Variants in MAPRE3 observed in about 807,000 individuals in gnomAD.
MAPRE3 encodes microtubule associated protein RP/EB family member 3.
In MAPRE3, 2 loss-of-function variants were observed where a neutral mutation model predicts 30.5. The ratio of observed to expected loss-of-function variants is 0.07; its 90% CI spans 0.03 to 0.21. The LOEUF (loss-of-function observed/expected upper bound fraction) is 0.21. Ranked by LOEUF, MAPRE3 falls within the 10% of genes least tolerant of loss-of-function variation. The pLI, the probability that MAPRE3 is intolerant of heterozygous loss-of-function variation, is 1.00. For synonymous variants in MAPRE3, 110 were observed against 127.7 expected, an observed-to-expected ratio of 0.86 and a Z score of 0.93; for missense variants, 204 against 351.8, an observed-to-expected ratio of 0.58 and a Z score of 3.36.
chr2:26,997,579 G>A (rs1224252576), intron 1 of MAPRE3, among the ~76,000 whole-genome samples: 2 of 152,114 alleles, frequency 1.3e-5, no homozygotes, highest in African/African-American at 4.8e-5. Context: ...TCTGACAGGA[G>A]GTGGAGCTCA....
At chr2:27,016,062 C>T (rs1264703912) in intron 1 of MAPRE3, among the ~76,000 whole-genome samples, 1 of 152,186 alleles carries the variant, frequency 6.6e-6, no homozygotes, top group African/African-American at 2.4e-5. Flanking sequence ...CTTTTCTTTC[C>T]CTTGGCTCCA....
chr2:27,015,147 G>C lies in MAPRE3; in HGVS notation c.-7-7065G>C, dbSNP rs1666954053. ...TTCTGGACTGGCATTTCCATGGTCTGAGACCAGAGGCTGGCTGTGTGTCAG... is the reference window on the plus strand; with the variant it reads ...TTCTGGACTGGCATTTCCATGGTCTCAGACCAGAGGCTGGCTGTGTGTCAG... On this transcript the variant is annotated intron_variant, in intron 1 of 6. Transcript: ENST00000233121. This position sits in a 1 kb window ranked among gnomAD's most constrained non-coding sequence, Gnocchi z 4.0. Among the ~76,000 whole-genome samples the C allele has an allele frequency of 6.6e-6, 1 of 152,240 alleles. No individual in the cohort carries two copies. Among genetic ancestry groups the C allele is most frequent in the African/African-American group, 2.4e-5 (1 of 41,470 alleles).
chr2:27,025,150 G>A (rs1572776346), intron 4 of MAPRE3, among the ~76,000 whole-genome samples: 2 of 152,300 alleles, frequency 1.3e-5, no homozygotes, highest in South Asian at 2.1e-4. Context: ...GCCCCTGGAG[G>A]GGCAGCCACC....
chr2:27,023,052 A>T (rs1172014294), intron 2 of MAPRE3, among the ~76,000 whole-genome samples: 2 of 152,198 alleles, frequency 1.3e-5, no homozygotes, highest in Non-Finnish European at 2.9e-5. Context: ...CATCCATAAG[A>T]TGGAGATAGT....
intron 1 of MAPRE3, among the ~76,000 whole-genome samples, chr2:26,972,093 G>A (rs924995587): frequency 1.3e-5 from 2 of 152,172 alleles, no homozygotes; most frequent in Non-Finnish European, 1.5e-5. Flanking sequence ...CAACTTGAGG[G>A]CCCCTAACTA....
chr2:27,022,164 G>A, intron 1 of MAPRE3, 48 bp from the exon 2 acceptor site: 7 of 1,600,356 alleles, frequency 4.4e-6, no homozygotes, highest in East Asian at 2.2e-5. Flanking sequence ...CAGCTAAGGA[G>A]CTACATGAGG....
At chr2:26,980,624 T>C (rs762139061) in intron 1 of MAPRE3, among the ~76,000 whole-genome samples, 5 of 152,246 alleles carry the variant, frequency 3.3e-5, no homozygotes, top group Non-Finnish European at 7.3e-5. Context: ...GATTTGAACA[T>C]TACTGTACAA....
intron 1 of MAPRE3, among the ~76,000 whole-genome samples, chr2:27,021,757 G>A (rs1332486417): frequency 6.6e-6 from 1 of 152,196 alleles, no homozygotes; most frequent in Non-Finnish European, 1.5e-5. Flanking sequence ...CTTTGTTCTT[G>A]CTAGTCCCTG....
chr2:26,988,847 C>T (rs1472821192), intron 1 of MAPRE3, among the ~76,000 whole-genome samples: 5 of 152,158 alleles, frequency 3.3e-5, no homozygotes, highest in Non-Finnish European at 5.9e-5. Context: ...AGGGGGTTTC[C>T]TCCTTGAGGT....
At chr2:27,022,026 G>A (rs1310667499) in intron 1 of MAPRE3, among the ~76,000 whole-genome samples, 186 bp from the exon 2 acceptor site, 13 of 152,166 alleles carry the variant, frequency 8.5e-5, no homozygotes, top group African/African-American at 2.7e-4. Flanking sequence ...CCTGGTGCAC[G>A]TCTAGCATAT....
At chr2:27,023,268 T>C in intron 2 of MAPRE3, 64 bp from the exon 3 acceptor site, 1 of 1,532,244 alleles carries the variant, frequency 6.5e-7, no homozygotes, top group South Asian at 1.3e-5. Context: ...TTTGGGGAAG[T>C]GAGAGAGAGC....
chr2:26,994,854 G>A (rs1008760363), intron 1 of MAPRE3, among the ~76,000 whole-genome samples: 19 of 131,224 alleles, frequency 1.4e-4, no homozygotes, highest in African/African-American at 5.2e-4. Context: ...TAAGAAATGA[G>A]TGATGTCTTA....
At chr2:27,019,870 CA>C (rs1410058762) in intron 1 of MAPRE3, among the ~76,000 whole-genome samples, 5 of 152,318 alleles carry the variant, frequency 3.3e-5, no homozygotes, top group African/African-American at 1.2e-4. Context: ...TACTTGGGGT[CA>C]GGGGTGGGAA....
At chr2:27,001,940 T>C (rs991622150) in intron 1 of MAPRE3, 3 of 152,158 alleles carry the variant, frequency 2.0e-5, no homozygotes, top group Non-Finnish European at 4.4e-5. Flanking sequence ...CTTGAACAAA[T>C]AATGGGGTAT....
At chr2:27,021,078 A>G (rs879350728) in intron 1 of MAPRE3, among the ~76,000 whole-genome samples, 8 of 152,226 alleles carry the variant, frequency 5.3e-5, no homozygotes, top group Non-Finnish European at 1.0e-4. Flanking sequence ...CATCGAAGTG[A>G]CATGGTAGTA....
intron 1 of MAPRE3, among the ~76,000 whole-genome samples, chr2:26,976,498 G>A (rs1447110798): frequency 6.6e-6 from 1 of 152,154 alleles, no homozygotes; most frequent in Non-Finnish European, 1.5e-5. Flanking sequence ...GCCACGGATG[G>A]TTTTTCTTGT....
intron 1 of MAPRE3, among the ~76,000 whole-genome samples, chr2:27,011,119 C>T (rs537385409): frequency 2.9e-4 from 44 of 152,322 alleles, no homozygotes; most frequent in African/African-American, 8.4e-4. Context: ...ATTTTCATCG[C>T]GTCCCTAACA....
chr2:27,019,102 C>A (rs1340423441), intron 1 of MAPRE3, among the ~76,000 whole-genome samples: 1 of 151,944 alleles, frequency 6.6e-6, no homozygotes, highest in African/African-American at 2.4e-5. Context: ...CCATGTTGGC[C>A]AGGCTGGTCT....
intron 1 of MAPRE3, among the ~76,000 whole-genome samples, chr2:26,984,096 T>C (rs1666169826): frequency 6.6e-6 from 1 of 152,234 alleles, no homozygotes; most frequent in Admixed American, 6.5e-5. Context: ...TGCATTAGCT[T>C]TCCCATGAAT....
Sources: allele counts gnomAD v4.1 joint callset (sites outside exome capture counted in the v4.1 genomes callset), GRCh38; gene constraint gnomAD v4.1.1; non-coding constraint Gnocchi (gnomAD v3.1); transcripts MANE v1.5; gene names NCBI Gene and HGNC (gene_info 2026-07-23, HGNC 2026-07-21).